The following LRRC37A2 variants were observed in gnomAD, a reference collection of about 807,000 sequenced individuals.
The protein encoded by LRRC37A2 is leucine rich repeat containing 37 member A2.
In LRRC37A2, 9 loss-of-function variants were observed where a neutral mutation model predicts 68.8. The ratio of observed to expected loss-of-function variants is 0.13; its 90% CI spans 0.08 to 0.23. The LOEUF is 0.23. LRRC37A2 is among the 10% of genes least tolerant of loss of function. The pLI is 1.00. For missense variants in LRRC37A2, 168 were observed against 950.4 expected, an observed-to-expected ratio of 0.18 and a Z score of 10.82; for synonymous variants, 63 against 367.6, an observed-to-expected ratio of 0.17 and a Z score of 9.48.
At chr17:46,904,029 T>G in the LRRC37A2 span, among the ~76,000 whole-genome samples, 1 of 147,220 alleles carries the variant, frequency 6.8e-6, no homozygotes, top group Admixed American at 6.7e-5. Context: ...TATGGGTGGG[T>G]GGATGGGGGT....
At chr17:46,867,941 G>C in the LRRC37A2 span, among the ~76,000 whole-genome samples, 9 of 152,132 alleles carry the variant, frequency 5.9e-5, no homozygotes, top group Non-Finnish European at 1.2e-4. Flanking sequence ...CAAGGACCAT[G>C]GGGTGAAGGT....
Position 46,549,044 on chromosome 17 carries a change from G to A in LRRC37A2, c.3905G>A (p.Arg1302Lys), listed in dbSNP as rs375225444. The change falls in exon 10 of 15, where the codon AGA becomes AAA. Residue 1302 changes from arginine to lysine, a missense_variant. Physicochemically the swap from Arg to Lys is conservative, Grantham distance 26 (BLOSUM62 2). Transcript: ENST00000576629. Reference sequence around the variant, plus strand: ...ACGTCTAAACCAATCGTACATGCCAGAAAAAAATACCGCTTTCACAAAACT... The same window carrying A: ...ACGTCTAAACCAATCGTACATGCCAAAAAAAAATACCGCTTTCACAAAACT... 292 of 1,612,196 alleles carry A rather than the reference G, an allele frequency of 1.8e-4. 14 individuals are homozygous for A. The African/African-American group carries it at 3.7e-3, about 21-fold the overall frequency.
the LRRC37A2 span, among the ~76,000 whole-genome samples, chr17:46,717,602 C>T: frequency 9.9e-5 from 15 of 152,278 alleles, no homozygotes; most frequent in East Asian, 2.9e-3. Context: ...ATGCCAGCTA[C>T]TCAGGAGGCT....
At chr17:46,895,648 GTTTTA>G in the LRRC37A2 span, among the ~76,000 whole-genome samples, 5 of 152,224 alleles carry the variant, frequency 3.3e-5, no homozygotes, top group African/African-American at 9.6e-5. Context: ...AATTTCCCAA[GTTTTA>G]TTTTCTTAAT....
chr17:46,851,606 G>A, the LRRC37A2 span: 11 of 1,207,814 alleles, frequency 9.1e-6, no homozygotes, highest in African/African-American at 9.5e-5. The surrounding 1 kb of genome is among the most constrained non-coding windows in gnomAD (Gnocchi z 4.3). Flanking sequence ...AGCGGCGCGA[G>A]GAGATGCTAG....
chr17:46,975,597 C>T, the LRRC37A2 span: 1 of 152,316 alleles, frequency 6.6e-6, no homozygotes, highest in Non-Finnish European at 1.5e-5. Flanking sequence ...CTCTTGCCCT[C>T]ACCCCTTCTC....
chr17:46,892,300 C>T, the LRRC37A2 span, among the ~76,000 whole-genome samples: 1 of 152,108 alleles, frequency 6.6e-6, no homozygotes, highest in Non-Finnish European at 1.5e-5. Flanking sequence ...TCCCCACCAT[C>T]CAGCTTACCT....
chr17:46,823,598 C>T, the LRRC37A2 span, among the ~76,000 whole-genome samples: 1 of 152,110 alleles, frequency 6.6e-6, no homozygotes, highest in African/African-American at 2.4e-5. Context: ...CACCACCATA[C>T]CCAGCTAATT....
the LRRC37A2 span, among the ~76,000 whole-genome samples, chr17:46,716,791 CAT>C: frequency 8.5e-5 from 13 of 152,180 alleles, no homozygotes; most frequent in African/African-American, 2.9e-4. Flanking sequence ...TACTCAGACA[CAT>C]GTGTACACAT....
the LRRC37A2 span, among the ~76,000 whole-genome samples, chr17:46,744,626 A>G: frequency 1.3e-5 from 2 of 152,072 alleles, no homozygotes; most frequent in Non-Finnish European, 2.9e-5. Flanking sequence ...TTAGGGAAAA[A>G]AAAAAGCTTT....
chr17:46,495,557 G>A, the LRRC37A2 span, among the ~76,000 whole-genome samples: 4 of 148,014 alleles, frequency 2.7e-5, no homozygotes, highest in Admixed American at 6.7e-5. Context: ...GCTAATTTTT[G>A]TATTTTTAGT....
chr17:46,841,698 C>A, the LRRC37A2 span, among the ~76,000 whole-genome samples: 2 of 152,066 alleles, frequency 1.3e-5, no homozygotes, highest in Non-Finnish European at 2.9e-5. Context: ...GGAACTGGAC[C>A]CTCTGGACTG....
the LRRC37A2 span, among the ~76,000 whole-genome samples, chr17:46,782,954 TG>T: frequency 2.0e-5 from 3 of 152,250 alleles, no homozygotes; most frequent in East Asian, 3.9e-4. Flanking sequence ...GGGACTCAGG[TG>T]GGGCTGTGTC....
At chr17:46,845,512 CAG>C in the LRRC37A2 span, among the ~76,000 whole-genome samples, 4 of 125,368 alleles carry the variant, frequency 3.2e-5, no homozygotes, top group African/African-American at 9.2e-5. Flanking sequence ...TTTTTTGAGA[CAG>C]AGTCTTGCTC....
the LRRC37A2 span, among the ~76,000 whole-genome samples, chr17:46,919,308 A>G: frequency 2.0e-5 from 3 of 152,358 alleles, no homozygotes; most frequent in South Asian, 6.2e-4. Context: ...TATCAGCAGT[A>G]TATATCAATT....
the LRRC37A2 span, chr17:46,769,825 C>T: frequency 3.1e-6 from 5 of 1,613,068 alleles, no homozygotes; most frequent in Middle Eastern, 1.6e-4. Context: ...TGGCCGAGCG[C>T]GCGTCCGGCC....
At chr17:46,496,370 G>T in the LRRC37A2 span, among the ~76,000 whole-genome samples, 1 of 148,684 alleles carries the variant, frequency 6.7e-6, no homozygotes, top group African/African-American at 2.6e-5. Context: ...TTGGGAGGCC[G>T]AGGCGGGTGG....
chr17:46,995,870 C>T, the LRRC37A2 span, among the ~76,000 whole-genome samples: 8 of 152,182 alleles, frequency 5.3e-5, no homozygotes, highest in Non-Finnish European at 7.4e-5. Context: ...TGGTCACCTG[C>T]CCAGTGTAAG....
At chr17:46,989,844 A>G in the LRRC37A2 span, among the ~76,000 whole-genome samples, 24 of 152,372 alleles carry the variant, frequency 1.6e-4, no homozygotes, top group African/African-American at 5.8e-4. Context: ...GCTTTCAGCC[A>G]TCCTCGCCAC....
Sources: allele counts gnomAD v4.1 joint callset (sites outside exome capture counted in the v4.1 genomes callset), GRCh38; gene constraint gnomAD v4.1.1; non-coding constraint Gnocchi (gnomAD v3.1); transcripts MANE v1.5; gene names NCBI Gene and HGNC (gene_info 2026-07-23, HGNC 2026-07-21).